The following MGAT5 variants were observed in gnomAD, a reference collection of about 807,000 sequenced individuals.
MGAT5 encodes the protein alpha-1,6-mannosylglycoprotein 6-beta-N-acetylglucosaminyltransferase.
MGAT5 carries 30 observed loss-of-function variants against 94.3 expected under a neutral mutation model. That is an observed-to-expected ratio of 0.32 (90% CI 0.24 to 0.43). The LOEUF is 0.43. Among genes scored for constraint, MGAT5 ranks in the 20% least tolerant of loss-of-function variants. The pLI, the probability that MGAT5 is intolerant of heterozygous loss-of-function variation, is 1.00. For missense variants in MGAT5, 691 were observed against 905.5 expected (o/e 0.76, Z 3.04); for synonymous variants, 310 against 322.9 (o/e 0.96, Z 0.43).
chr2:134,274,584 A>T (rs1304777366), intron 2 of MGAT5, among the ~76,000 whole-genome samples: 1 of 152,184 alleles, frequency 6.6e-6, no homozygotes. Context: ...ATGTATGTGC[A>T]TGTGTACACA....
chr2:134,372,249 C>T (rs963678572), intron 10 of MGAT5, among the ~76,000 whole-genome samples: 2 of 152,224 alleles, frequency 1.3e-5, no homozygotes, highest in Admixed American at 6.5e-5. Flanking sequence ...TGTTTTACCT[C>T]GGTTGCATCC....
Position 134,441,797 on chromosome 2 carries a change from G to A in MGAT5, c.1909G>A (p.Ala637Thr), listed in dbSNP as rs752809583. The change falls in exon 15 of 16, where the codon GCC becomes ACC. Residue 637 changes from alanine to threonine, a missense_variant. By Grantham distance (58) the Ala-to-Thr change is moderately conservative. Transcript: ENST00000281923. Reference protein sequence around the residue: ...HGQVMWPPLSALQVKLAEPGQ... With the variant: ...HGQVMWPPLSTLQVKLAEPGQ... The stretch of plus-strand genomic sequence containing the variant: ...GCAAGTGATGTGGCCACCCCTCAGC[G>A]CCCTACAGGTCAAGCTTGCTGAGCC... 5.9e-5 allele frequency: 96 copies of A among 1,613,950 alleles called. No homozygotes were observed. The highest frequency in any genetic ancestry group is 3.3e-4 in the Middle Eastern group (2 of 6,084).
At chr2:134,257,116 TG>T (rs1354343232) in intron 1 of MGAT5, among the ~76,000 whole-genome samples, 1 of 152,244 alleles carries the variant, frequency 6.6e-6, no homozygotes, top group African/African-American at 2.4e-5. Context: ...TCTTTAGATA[TG>T]TGATAATTAT....
chr2:134,131,572 ATTTTTTTTTTTTTTTTT>A lies in MGAT5; in HGVS notation c.-143+11294_-143+11310del, dbSNP rs10617178. The stretch of plus-strand genomic sequence containing the variant: ...ATAAATATTTGCCTGTGGTAGATTG[ATTTTTTTTTTTTTTTTT>A]TTTTTTTTTTTTACTATTGGCCTCT... On this transcript the variant is annotated intron_variant, in intron 1 of 16. Transcript: ENST00000409645. 1.3e-3 allele frequency among the ~76,000 whole-genome samples: 108 copies of A among 85,250 alleles called. 1 individual carries two copies. Among genetic ancestry groups the A allele is most frequent in the African/African-American group, 4.0e-3 (98 of 24,342 alleles). The allele number at this position is 85,250 out of a possible 152,430, so 55.9% of individuals were successfully genotyped here.
intron 1 of MGAT5, among the ~76,000 whole-genome samples, chr2:134,193,301 G>A (rs1679323756): frequency 6.6e-6 from 1 of 151,936 alleles, no homozygotes; most frequent in African/African-American, 2.4e-5. Flanking sequence ...TTATTTTGTA[G>A]AGATGGGGTC....
intron 13 of MGAT5, 28 bp downstream of exon 13, chr2:134,422,947 C>G: frequency 6.5e-7 from 1 of 1,535,688 alleles, no homozygotes; most frequent in South Asian, 1.1e-5. Flanking sequence ...CACTTTCCCT[C>G]CTTTCTAATG....
chr2:134,217,398 A>G (rs1197071199), intron 1 of MGAT5, among the ~76,000 whole-genome samples: 3 of 152,122 alleles, frequency 2.0e-5, no homozygotes, highest in African/African-American at 7.2e-5. Context: ...ATCTTATTTG[A>G]GTTTTCATTG....
At chr2:134,321,637 C>A (rs886334293) in intron 4 of MGAT5, among the ~76,000 whole-genome samples, 1 of 152,316 alleles carries the variant, frequency 6.6e-6, no homozygotes, top group African/African-American at 2.4e-5. Flanking sequence ...ACTACGTTTT[C>A]TCTTCCTGAG....
chr2:134,333,941 T>C (rs1688166874), intron 4 of MGAT5, among the ~76,000 whole-genome samples: 1 of 152,164 alleles, frequency 6.6e-6, no homozygotes, highest in African/African-American at 2.4e-5. Context: ...TTATGTATAA[T>C]TTAATTATTT....
At chr2:134,415,812 T>C (rs956794461) in intron 12 of MGAT5, among the ~76,000 whole-genome samples, 1 of 152,224 alleles carries the variant, frequency 6.6e-6, no homozygotes, top group Admixed American at 6.5e-5. Context: ...GAGATAAAGA[T>C]TTGATTTCAT....
intron 1 of MGAT5, among the ~76,000 whole-genome samples, chr2:134,199,322 C>T (rs184720602): frequency 6.6e-6 from 1 of 152,216 alleles, no homozygotes; most frequent in Admixed American, 6.5e-5. Flanking sequence ...TCCCAGAAGA[C>T]AGCCTCCCGG....
At chr2:134,170,027 C>T (rs1688132022) in intron 1 of MGAT5, among the ~76,000 whole-genome samples, 1 of 152,092 alleles carries the variant, frequency 6.6e-6, no homozygotes, top group African/African-American at 2.4e-5. Flanking sequence ...ATGGACAGTA[C>T]TCATAAGGAA....
intron 13 of MGAT5, among the ~76,000 whole-genome samples, chr2:134,426,364 A>G (rs1363685535): frequency 2.0e-5 from 3 of 152,196 alleles, no homozygotes; most frequent in African/African-American, 7.2e-5. Context: ...AAAGTGGGCT[A>G]GGTTGGTAGG....
At chr2:134,346,577 A>G (rs1688935030) in intron 8 of MGAT5, among the ~76,000 whole-genome samples, 1 of 152,174 alleles carries the variant, frequency 6.6e-6, no homozygotes, top group Non-Finnish European at 1.5e-5. Flanking sequence ...GGGAAAATTC[A>G]AAATTTTCCC....
chr2:134,182,394 G>A (rs1009112968), intron 1 of MGAT5, among the ~76,000 whole-genome samples: 6 of 152,126 alleles, frequency 3.9e-5, no homozygotes, highest in Non-Finnish European at 7.4e-5. Flanking sequence ...GCATCTGTCC[G>A]CAGGAAACTG....
chr2:134,182,984 G>A (rs1043540692), intron 1 of MGAT5, among the ~76,000 whole-genome samples: 1 of 151,860 alleles, frequency 6.6e-6, no homozygotes, highest in Non-Finnish European at 1.5e-5. Context: ...TAGAGACAGG[G>A]TTTCACCGTG....
chr2:134,120,805 G>A (rs1685538238), intron 1 of MGAT5, among the ~76,000 whole-genome samples: 1 of 151,896 alleles, frequency 6.6e-6, no homozygotes. Flanking sequence ...AAGAAGGAGG[G>A]AGGCTGGCCC....
Position 134,454,429 on chromosome 2 carries a change from C to CTGTG in MGAT5, c.*5584_*5587dup, listed in dbSNP as rs1407597520. 3 of 152,204 alleles carry CTGTG rather than the reference C, an allele frequency of 2.0e-5. No individual in the cohort carries two copies. Among genetic ancestry groups the CTGTG allele is most frequent in the African/African-American group, 7.2e-5 (3 of 41,452 alleles). 9.4% of individuals were successfully genotyped at this position (152,204 alleles called of 1,614,324 possible). ...TCTTTAAGCTAATGGCCGTTTGCAT[C>CTGTG]TGTGTCTTCAAACAGATCCTGGTTA... On this transcript the variant is annotated 3_prime_UTR_variant, in exon 16 of 16. Transcript: ENST00000281923.
At chr2:134,137,526 C>G (rs1686465087) in intron 1 of MGAT5, among the ~76,000 whole-genome samples, 1 of 152,234 alleles carries the variant, frequency 6.6e-6, no homozygotes, top group Admixed American at 6.5e-5. Flanking sequence ...CATTGCTGTG[C>G]TGCCATGGGC....
Sources: gnomAD v4.1 joint callset for allele counts (sites outside exome capture counted in the v4.1 genomes callset) on GRCh38, gnomAD v4.1.1 for gene constraint, MANE v1.5 for transcripts, NCBI Gene and HGNC (gene_info 2026-07-23, HGNC 2026-07-21) for gene names.